Variants in ADH6 observed in about 807,000 individuals in gnomAD.
ADH6 encodes the protein alcohol dehydrogenase 6 (class V).
Under a neutral mutation model 36.5 loss-of-function variants are expected in ADH6, and 34 were observed. The ratio of observed to expected loss-of-function variants is 0.93; its 90% confidence interval spans 0.71 to 1.24. The LOEUF is 1.24. Ranked by LOEUF, ADH6 falls within the 50% of genes most tolerant of loss-of-function variation. The pLI is 0.00. For missense variants in ADH6, 440 were observed against 447.0 expected (o/e 0.98, Z 0.14); for synonymous variants, 161 against 155.5 (o/e 1.04, Z -0.26).
intron 1 of ADH6, among the ~76,000 whole-genome samples, chr4:99,216,716 G>T (rs1731445053): frequency 6.6e-6 from 1 of 151,816 alleles, no homozygotes; most frequent in South Asian, 2.1e-4. Flanking sequence ...GTGGTGGCCT[G>T]CACCTGTAAT....
intron 6 of ADH6, 49 bp downstream of exon 6, chr4:99,208,619 C>T (rs748681110): frequency 1.2e-5 from 19 of 1,551,208 alleles, no homozygotes; most frequent in Non-Finnish European, 1.7e-5. Context: ...ATAATCTAAA[C>T]GATGACTGGT....
At chr4:99,213,555 G>C in intron 3 of ADH6, 51 bp downstream of exon 3, 1 of 1,269,344 alleles carries the variant, frequency 7.9e-7, no homozygotes. Flanking sequence ...TCATTTTCTC[G>C]AGTTGGTTCC....
chr4:99,210,267 T>C lies in ADH6; in HGVS notation c.382A>G (p.Thr128Ala). 6 of 1,613,760 alleles carry C rather than the reference T, an allele frequency of 3.7e-6. No individual in the cohort carries two copies. Among genetic ancestry groups the C allele is most frequent in the Non-Finnish European group, 5.1e-6 (6 of 1,179,816 alleles). ...TTTCCCTTGCAGGTAAACCTGCTGG[T>C]ACCATCAGACATCAGTTGGGTTTTT... ...QSKTQLMSDG[T>A]SRFTCKGKSI... Residue 128 changes from threonine (T) to alanine (A), a missense_variant, in exon 5 of 9, where the codon ACC becomes GCC. Coordinates refer to ENST00000394899, the MANE Select transcript of ADH6 (RefSeq NM_001102470.2).
In ADH6 at chr4:99,208,884, G is replaced by C. The variant is rs376249554; in HGVS notation, c.612C>G (p.Val204=). The C allele has an allele frequency of 1.4e-4, 222 of 1,613,500 alleles. 2 individuals are homozygous for C. The highest frequency in any genetic ancestry group is 3.7e-5 in the Non-Finnish European group (44 of 1,179,746). ...STCAVFGLGG[V]GLSVVMGCKA... ...TACAACCCATGACAACAGACAAGCCGACTCCTCCCAGGCCAAACACAGCAC... is the reference window on the plus strand; with the variant it reads ...TACAACCCATGACAACAGACAAGCCCACTCCTCCCAGGCCAAACACAGCAC... Residue 204 remains valine (V), a synonymous_variant, in exon 6 of 9, where the codon GTC becomes GTG. Transcript: ENST00000394899.
intron 1 of ADH6, among the ~76,000 whole-genome samples, chr4:99,217,399 T>C (rs924466974): frequency 6.6e-6 from 1 of 152,216 alleles, no homozygotes; most frequent in Non-Finnish European, 1.5e-5. Context: ...GTCTCTGTTA[T>C]CTATTTTCCC....
rs1270957151 is a variant in ADH6, at chr4:99,203,488, T to C, written c.*731A>G. The C allele has an allele frequency of 6.6e-6, 1 of 152,132 alleles. No homozygotes were observed. The highest frequency in any genetic ancestry group is 1.5e-5 in the Non-Finnish European group (1 of 67,998). 9.4% of individuals were successfully genotyped at this position (152,132 alleles called of 1,614,324 possible). A position where few individuals can be genotyped will look rare whatever the true frequency, so the allele number is the denominator to read the frequency against. On this transcript the variant is annotated 3_prime_UTR_variant, in exon 9 of 9. Transcript: ENST00000394899. ...AAAGTATACAATTATTCCTGTTTTATGTGAAGATTGGAATAAAAAACAGTT... is the reference window on the plus strand; with the variant it reads ...AAAGTATACAATTATTCCTGTTTTACGTGAAGATTGGAATAAAAAACAGTT...
Position 99,208,960 on chromosome 4 carries a change from C to A in ADH6, c.568-32G>T, listed in dbSNP as rs781571777. ...ACATACAGGCAGAAAACTCAGAAAA[C>A]AAAAAGCAAAGAGAACATACACCTT... On this transcript the variant is annotated intron_variant, in intron 5 of 8. Coordinates refer to ENST00000394899, the MANE Select transcript of ADH6 (RefSeq NM_001102470.2). The A allele has an allele frequency of 6.9e-6, 11 of 1,585,388 alleles. No homozygotes were observed. The Admixed American group carries it at 1.1e-4, about 16-fold the overall frequency.
Position 99,208,955 on chromosome 4 carries a change from G to A in ADH6, c.568-27C>T, listed in dbSNP as rs1209413701. ...TAAACACATACAGGCAGAAAACTCA[G>A]AAAACAAAAAGCAAAGAGAACATAC... On this transcript the variant is annotated intron_variant, in intron 5 of 8. Transcript: ENST00000394899. 7.6e-6 allele frequency: 12 copies of A among 1,587,474 alleles called. No homozygotes were observed. In the Admixed American group the frequency reaches 1.1e-4, roughly 15 times the overall value.
Position 99,207,533 on chromosome 4 carries a change from C to A in ADH6, c.877G>T (p.Val293Phe), listed in dbSNP as rs749839422. ...TGAACACTGGCAGGCAACACCCCAA[C>A]AACCACACAGACCCCATAGCTCTCA... ...CNESYGVCVV[V>F]GVLPASVQLK... The change falls in exon 7 of 9, where the codon GTT becomes TTT. Residue 293 changes from valine to phenylalanine, a missense_variant. Physicochemically the swap from Val to Phe is conservative, Grantham distance 50. Coordinates refer to ENST00000394899, the MANE Select transcript of ADH6 (RefSeq NM_001102470.2). 3.7e-6 allele frequency: 6 copies of A among 1,613,584 alleles called. No homozygotes were observed. Among genetic ancestry groups the A allele is most frequent in the Middle Eastern group, 1.7e-4 (1 of 6,058 alleles).
In ADH6 at chr4:99,207,482, A is replaced by G. The variant is rs1731075221; in HGVS notation, c.928T>C (p.Phe310Leu). The change falls in exon 7 of 9, where the codon TTC becomes CTC. Residue 310 changes from phenylalanine to leucine, a missense_variant. Coordinates refer to ENST00000394899, the MANE Select transcript of ADH6 (RefSeq NM_001102470.2). Reference sequence around the variant, plus strand: ...GAACCCTTCAAAGAACGTCCTGAGAAGAACAACTGGCCACTGATTTTGAGT... The same window carrying G: ...GAACCCTTCAAAGAACGTCCTGAGAGGAACAACTGGCCACTGATTTTGAGT... The part of the protein sequence containing the change: ...VQLKISGQLF[F>L]SGRSLKGSVF... 1 of 1,613,638 alleles carries G rather than the reference A, an allele frequency of 6.2e-7. No homozygotes were observed. The highest frequency in any genetic ancestry group is 8.5e-7 in the Non-Finnish European group (1 of 1,179,682).
intron 1 of ADH6, among the ~76,000 whole-genome samples, chr4:99,217,322 C>A (rs965869507): frequency 1.3e-5 from 2 of 152,226 alleles, no homozygotes; most frequent in Admixed American, 6.5e-5. Context: ...AGGCGTGAGC[C>A]ACCACGCCCG....
rs1274262747 is a variant in ADH6 at position 99,207,599 on chromosome 4, A to C, written c.829-18T>G. The C allele has an allele frequency of 1.2e-6, 2 of 1,611,234 alleles. No individual in the cohort carries two copies. The highest frequency in any genetic ancestry group is 1.1e-5 in the South Asian group (1 of 90,930). On this transcript the variant is annotated intron_variant, in intron 6 of 8. Coordinates refer to ENST00000394899, the MANE Select transcript of ADH6 (RefSeq NM_001102470.2). ...GCAGCTGCCTGTTAGAAAGTGATGCAATACAGTATAGGGGTTAAAAGATGT... is the reference window on the plus strand; with the variant it reads ...GCAGCTGCCTGTTAGAAAGTGATGCCATACAGTATAGGGGTTAAAAGATGT...
At chr4:99,209,030 G>A (rs1014873811) in intron 5 of ADH6, 102 bp from the exon 6 acceptor site, 10 of 1,252,496 alleles carry the variant, frequency 8.0e-6, no homozygotes, top group East Asian at 2.4e-5. Flanking sequence ...ATTTTTTAAC[G>A]AGTCATAAGC....
chr4:99,213,474 T>A (rs1052646735), intron 3 of ADH6, 132 bp downstream of exon 3: 1 of 769,634 alleles, frequency 1.3e-6, no homozygotes, highest in East Asian at 2.8e-5. Context: ...AATTTATCCC[T>A]ACTTTTCTAA....
intron 6 of ADH6, chr4:99,208,400 C>A (rs1731109744): frequency 3.2e-6 from 1 of 312,004 alleles, no homozygotes; most frequent in South Asian, 1.3e-4. Context: ...AAGTGAAAAG[C>A]ACATTGATTT....
At chr4:99,206,514 G>C (rs943510139) in intron 7 of ADH6, among the ~76,000 whole-genome samples, 2 of 151,190 alleles carry the variant, frequency 1.3e-5, no homozygotes, top group Non-Finnish European at 2.9e-5. Context: ...TTAAATAGAA[G>C]AACTGAAATT....
chr4:99,208,997 G>A, intron 5 of ADH6, 69 bp from the exon 6 acceptor site: 4 of 1,510,114 alleles, frequency 2.6e-6, no homozygotes, highest in Non-Finnish European at 2.7e-6. Flanking sequence ...ACTCAGTTGG[G>A]AAGGCTAAGT....
At chr4:99,215,130 G>C (rs929471935) in intron 2 of ADH6, among the ~76,000 whole-genome samples, 1 of 152,122 alleles carries the variant, frequency 6.6e-6, no homozygotes, top group Non-Finnish European at 1.5e-5. Context: ...TTGAGTGAGG[G>C]TCCAAACCTG....
At chr4:99,218,995 A>G in intron 1 of ADH6, 140 bp downstream of exon 1, 1 of 759,250 alleles carries the variant, frequency 1.3e-6, no homozygotes. Context: ...AAAGGAGAGG[A>G]GGAGGAGAGA....
Sources: allele counts gnomAD v4.1 joint callset (sites outside exome capture counted in the v4.1 genomes callset), GRCh38; gene constraint gnomAD v4.1.1; transcripts MANE v1.5; gene names NCBI Gene and HGNC (gene_info 2026-07-23, HGNC 2026-07-21).